Variants in CACNA1C observed in about 807,000 individuals in gnomAD.
The protein encoded by CACNA1C is voltage-dependent L-type calcium channel subunit alpha-1C.
A neutral mutation model predicts 229.0 loss-of-function variants in CACNA1C; 30 were observed. The ratio of observed to expected loss-of-function variants is 0.13; its 90% CI spans 0.10 to 0.18. The LOEUF (loss-of-function observed/expected upper bound fraction) is 0.18, where lower values mean the gene tolerates loss of function less well. CACNA1C is among the 10% of genes least tolerant of loss of function. The pLI is 1.00. For synonymous variants in CACNA1C, 1,114 were observed against 1,132.5 expected, an observed-to-expected ratio of 0.98 and a Z score of 0.33; for missense variants, 1,658 against 2,845.0, an observed-to-expected ratio of 0.58 and a Z score of 9.49.
intron 13 of CACNA1C, among the ~76,000 whole-genome samples, chr12:2,569,905 C>T (rs1388111869): frequency 1.3e-5 from 2 of 152,098 alleles, no homozygotes; most frequent in Non-Finnish European, 2.9e-5. Flanking sequence ...CTTACATTTC[C>T]ACCAGCAATG....
rs1376668527 is a variant in CACNA1C at position 2,348,537 on chromosome 12, G to A, written c.478-100439G>A. ...TCTCCCCGAGGGAATGGGCTCATAC[G>A]CCGGGTGGGCAAGGATTTCAAGTCG... is the stretch of plus-strand genomic sequence containing the variant. On this transcript the variant is annotated intron_variant, in intron 3 of 46. Coordinates refer to ENST00000399655, the MANE Select transcript of CACNA1C (RefSeq NM_000719.7). The surrounding 1 kb of genome is among the most constrained non-coding windows in gnomAD (Gnocchi z 4.7). Among the ~76,000 whole-genome samples the A allele has an allele frequency of 2.0e-5, 3 of 152,230 alleles. No individual in the cohort carries two copies. The highest frequency in any genetic ancestry group is 4.4e-5 in the Non-Finnish European group (3 of 68,048).
rs762377697 is a variant in CACNA1C, at chr12:2,486,068, T to C, written c.758-36T>C. On this transcript the variant is annotated intron_variant, in intron 5 of 46. Transcript: ENST00000399655. The surrounding 1 kb of genome is among the most constrained non-coding windows in gnomAD (Gnocchi z 4.9). ...AGATGGCGTCAGCACGGTACCGCGG[T>C]GATGCTTGGTTCAGTGAGTGGCTCT... is the stretch of plus-strand genomic sequence containing the variant. 1.9e-6 allele frequency: 3 copies of C among 1,555,318 alleles called. No individual in the cohort carries two copies. Among genetic ancestry groups the C allele is most frequent in the Non-Finnish European group, 2.6e-6 (3 of 1,146,204 alleles).
At chr12:2,375,427 T>G (rs1408845737) in intron 3 of CACNA1C, among the ~76,000 whole-genome samples, 1 of 152,178 alleles carries the variant, frequency 6.6e-6, no homozygotes, top group African/African-American at 2.4e-5. Context: ...TGGCCCACCT[T>G]CGGCTCCTGT....
rs1252976328 is a variant in CACNA1C at position 2,348,627 on chromosome 12, G to T, written c.478-100349G>T. ...TTTAGAAGCCGTCCAGAGAATGTTT[G>T]GCATGCTGAATATAAACTCATGCTT... On this transcript the variant is annotated intron_variant, in intron 3 of 46. Coordinates refer to ENST00000399655, the MANE Select transcript of CACNA1C (RefSeq NM_000719.7). This position sits in a 1 kb window ranked among gnomAD's most constrained non-coding sequence, Gnocchi z 4.7. Among the ~76,000 whole-genome samples, 2 of 152,088 alleles carry T rather than the reference G, an allele frequency of 1.3e-5. No individual in the cohort carries two copies. Among genetic ancestry groups the T allele is most frequent in the African/African-American group, 4.8e-5 (2 of 41,418 alleles).
intron 3 of CACNA1C, among the ~76,000 whole-genome samples, chr12:2,218,084 C>T (rs1213644483): frequency 6.6e-6 from 1 of 152,158 alleles, no homozygotes; most frequent in African/African-American, 2.4e-5. Flanking sequence ...TTGGCAACAC[C>T]AGATTCTTTC....
At chr12:2,090,409 C>T (rs1449884900) in intron 1 of CACNA1C, among the ~76,000 whole-genome samples, 4 of 146,400 alleles carry the variant, frequency 2.7e-5, no homozygotes, top group African/African-American at 1.0e-4. Context: ...CCTCGGTCTC[C>T]CAGGTTCAAA....
At chr12:2,380,679 G>A (rs867440251) in intron 3 of CACNA1C, among the ~76,000 whole-genome samples, 5 of 152,202 alleles carry the variant, frequency 3.3e-5, no homozygotes, top group African/African-American at 1.2e-4. Flanking sequence ...CTTAAGGCTG[G>A]CACGAAAGGG....
intron 3 of CACNA1C, among the ~76,000 whole-genome samples, chr12:2,273,965 G>A (rs1172395718): frequency 1.3e-5 from 2 of 152,222 alleles, no homozygotes; most frequent in Non-Finnish European, 2.9e-5. Context: ...GGTGTGGGCT[G>A]TGCTTGGCAG....
intron 3 of CACNA1C, among the ~76,000 whole-genome samples, chr12:2,308,739 A>G (rs1429707207): frequency 6.6e-6 from 1 of 152,246 alleles, no homozygotes; most frequent in Non-Finnish European, 1.5e-5. Flanking sequence ...CAAATGCCCA[A>G]CAGGCATATT....
intron 3 of CACNA1C, among the ~76,000 whole-genome samples, chr12:2,160,925 G>A (rs188896461): frequency 1.3e-5 from 2 of 152,172 alleles, no homozygotes; most frequent in African/African-American, 4.8e-5. Flanking sequence ...AGGTTCAAGC[G>A]ATTCTCCTGC....
At chr12:2,497,969 TCACACACACACACACACA>T (rs3058710) in intron 7 of CACNA1C, among the ~76,000 whole-genome samples, 2 of 143,916 alleles carry the variant, frequency 1.4e-5, no homozygotes, top group African/African-American at 5.1e-5. Flanking sequence ...TCTATTAAAT[TCACACACACACACACACA>T]CACACACACA....
At position 2,566,702 on chromosome 12, in the gene CACNA1C, GGCAGGT is replaced by G; in HGVS notation, c.1669+123_1669+128del. Reference sequence around the variant, plus strand: ...AAAGCAGCCAATGGTCGGGGCTCTTGGCAGGTGCTGTGCTGGAGACACCAAGGGCCT... The same window carrying G: ...AAAGCAGCCAATGGTCGGGGCTCTTGGCTGTGCTGGAGACACCAAGGGCCT... On this transcript the variant is annotated intron_variant, in intron 12 of 46. Transcript: ENST00000399655. The surrounding 1 kb of genome is among the most constrained non-coding windows in gnomAD (Gnocchi z 4.0). 1 of 821,714 alleles carries G rather than the reference GGCAGGT, an allele frequency of 1.2e-6. No individual in the cohort carries two copies. The highest frequency in any genetic ancestry group is 1.7e-5 in the African/African-American group (1 of 58,432). The allele number at this position is 821,714 out of a possible 1,614,324, so 50.9% of individuals were successfully genotyped here.
At chr12:2,155,412 A>T (rs904332900) in intron 3 of CACNA1C, among the ~76,000 whole-genome samples, 5 of 152,334 alleles carry the variant, frequency 3.3e-5, no homozygotes, top group Middle Eastern at 6.8e-3. Context: ...AAAAGAAAAA[A>T]AAAATAGAAT....
intron 4 of CACNA1C, among the ~76,000 whole-genome samples, chr12:2,457,191 C>G (rs1043662662): frequency 2.0e-5 from 3 of 152,232 alleles, no homozygotes; most frequent in Non-Finnish European, 2.9e-5. Flanking sequence ...TGCTGGCACA[C>G]CTGGGAGGGG....
rs2043995657 is a variant in CACNA1C, at chr12:2,009,291, G to C, written c.139+38090G>C. Among the ~76,000 whole-genome samples, 3 of 151,288 alleles carry C rather than the reference G, an allele frequency of 2.0e-5. No individual in the cohort carries two copies. In the South Asian group the frequency reaches 6.2e-4, roughly 31 times the overall value. ...GAATTTTTATACCATGGCAATGACT[G>C]AGTAAGACAAAATTCAGCATCTAAT... On this transcript the variant is annotated intron_variant, in intron 1 of 46. Coordinates refer to the CACNA1C transcript ENST00000682462.
intron 3 of CACNA1C, among the ~76,000 whole-genome samples, chr12:2,225,678 C>T (rs1247320459): frequency 6.6e-6 from 1 of 152,190 alleles, no homozygotes; most frequent in Admixed American, 6.5e-5. Flanking sequence ...AACTAATACT[C>T]AGACATTAAG....
chr12:2,470,770 G>A (rs928049009), intron 5 of CACNA1C, among the ~76,000 whole-genome samples: 1 of 152,144 alleles, frequency 6.6e-6, no homozygotes, highest in Middle Eastern at 3.2e-3. Context: ...GTACTCTGTG[G>A]GTCCAACTCC....
At chr12:2,396,071 G>T (rs181609141) in intron 3 of CACNA1C, among the ~76,000 whole-genome samples, 116 of 152,186 alleles carry the variant, frequency 7.6e-4, no homozygotes, top group Admixed American at 2.6e-3. Flanking sequence ...GCTGTCCCTG[G>T]CCTGCTGAAA....
At chr12:2,381,901 A>G (rs1461499282) in intron 3 of CACNA1C, among the ~76,000 whole-genome samples, 1 of 152,236 alleles carries the variant, frequency 6.6e-6, no homozygotes, top group African/African-American at 2.4e-5. Context: ...AACAACTCTG[A>G]GAATCAGAAC....
Sources: gnomAD v4.1 joint callset for allele counts (sites outside exome capture counted in the v4.1 genomes callset) on GRCh38, gnomAD v4.1.1 for gene constraint, Gnocchi (gnomAD v3.1) non-coding constraint, MANE v1.5 for transcripts, NCBI Gene and HGNC (gene_info 2026-07-23, HGNC 2026-07-21) for gene names.